Variants in TARS1 observed in about 807,000 individuals in gnomAD.
The protein encoded by TARS1 is threonyl-tRNA synthetase 1, also known as threonine--tRNA ligase 1, cytoplasmic.
Under a neutral mutation model 97.7 loss-of-function variants are expected in TARS1, and 57 were observed. The observed-to-expected ratio is 0.58, with a 90% CI of 0.47 to 0.73. The LOEUF (loss-of-function observed/expected upper bound fraction) is 0.73, where lower values mean the gene tolerates loss of function less well. Among genes scored for constraint, TARS1 ranks in the 30% least tolerant of loss-of-function variants. The pLI is 0.00. For missense variants in TARS1, 806 were observed against 888.3 expected (o/e 0.91, Z 1.18); for synonymous variants, 312 against 293.7 (o/e 1.06, Z -0.64).
In TARS1 at chr5:33,456,044, A is replaced by G; in HGVS notation, c.736A>G (p.Thr246Ala). 1.2e-6 allele frequency: 2 copies of G among 1,613,792 alleles called. No homozygotes were observed. Among genetic ancestry groups the G allele is most frequent in the Non-Finnish European group, 1.7e-6 (2 of 1,179,882 alleles). ...KCRILNEKVN[T>A]PTTTVYRCGP... ...CCGGATATTGAATGAAAAGGTGAAT[A>G]CTCCAACTACCACAGTCTATAGGTA... The change falls in exon 7 of 19, where the codon ACT (threonine) becomes GCT (alanine). Residue 246 changes from threonine to alanine, a missense_variant. Coordinates refer to ENST00000265112, the MANE Select transcript of TARS1 (RefSeq NM_152295.5).
intron 11 of TARS1, among the ~76,000 whole-genome samples, chr5:33,460,415 AC>A (rs1253113647): frequency 1.3e-5 from 2 of 152,172 alleles, no homozygotes; most frequent in African/African-American, 4.8e-5. Flanking sequence ...TTCTGTCAAA[AC>A]CTGCTAATGA....
chr5:33,465,020 C>G (rs1742466524), intron 17 of TARS1, among the ~76,000 whole-genome samples: 1 of 152,062 alleles, frequency 6.6e-6, no homozygotes, highest in Non-Finnish European at 1.5e-5. Context: ...GAGCCAAGAT[C>G]ATGCCACTGC....
chr5:33,442,636 T>A (rs922950109), intron 1 of TARS1, among the ~76,000 whole-genome samples: 1 of 152,060 alleles, frequency 6.6e-6, no homozygotes, highest in Non-Finnish European at 1.5e-5. Flanking sequence ...CCCGGGTTCA[T>A]GCCATTCTCC....
chr5:33,454,200 C>G (rs550399621), intron 4 of TARS1, among the ~76,000 whole-genome samples: 6 of 152,284 alleles, frequency 3.9e-5, no homozygotes, highest in Non-Finnish European at 8.8e-5. Flanking sequence ...TTTTAATTCT[C>G]CATGGCTGTG....
chr5:33,441,546 CG>C (rs1561064908), intron 1 of TARS1: 1 of 169,308 alleles, frequency 5.9e-6, no homozygotes, highest in Non-Finnish European at 1.3e-5. Flanking sequence ...TAAGATCCTG[CG>C]GGGGTAAAGA....
At chr5:33,456,652 G>C (rs544020118) in intron 8 of TARS1, among the ~76,000 whole-genome samples, 262 of 152,182 alleles carry the variant, frequency 1.7e-3, no homozygotes, top group Non-Finnish European at 2.7e-3. Context: ...GAATAATTGA[G>C]TCATTTCAAG....
At position 33,467,048 on chromosome 5, in the gene TARS1, A is replaced by T. The variant is rs569275188; in HGVS notation, c.2023+63A>T. 24 of 968,338 alleles carry T rather than the reference A, an allele frequency of 2.5e-5. 1 individual carries two copies. In the South Asian group the frequency reaches 4.6e-4, roughly 19 times the overall value. The allele number at this position is 968,338 out of a possible 1,614,324, so 60.0% of individuals were successfully genotyped here. A position where few individuals can be genotyped will look rare whatever the true frequency, so the allele number is the denominator to read the frequency against. The stretch of plus-strand genomic sequence containing the variant: ...CTCAGGAAAATCTACTGAAACCTTG[A>T]GACAGGTTTAAGTGAATTGTAATCA... On this transcript the variant is annotated intron_variant, in intron 18 of 18. Coordinates refer to ENST00000265112, the MANE Select transcript of TARS1 (RefSeq NM_152295.5).
chr5:33,459,951 A>G, intron 11 of TARS1, 90 bp downstream of exon 11: 1 of 1,425,090 alleles, frequency 7.0e-7, no homozygotes, highest in Non-Finnish European at 9.6e-7. Flanking sequence ...TTTTCATTAA[A>G]AACAAATTAT....
chr5:33,441,020 C>T lies in TARS1; in HGVS notation c.-67C>T, dbSNP rs1741058769. Reference sequence around the variant, plus strand: ...GTCCCGGGCGCTAGCCCACCTCCCACCCGCCTCTTGGCTCCTCTCCTCTAG... The same window carrying T: ...GTCCCGGGCGCTAGCCCACCTCCCATCCGCCTCTTGGCTCCTCTCCTCTAG... On this transcript the variant is annotated 5_prime_UTR_variant, in exon 1 of 19. Coordinates refer to ENST00000265112, the MANE Select transcript of TARS1 (RefSeq NM_152295.5). 13 of 1,606,502 alleles carry T rather than the reference C, an allele frequency of 8.1e-6. No homozygotes were observed. The highest frequency in any genetic ancestry group is 1.7e-4 in the Middle Eastern group (1 of 5,812).
At chr5:33,448,954 T>A (rs1333149575) in intron 3 of TARS1, among the ~76,000 whole-genome samples, 1 of 152,210 alleles carries the variant, frequency 6.6e-6, no homozygotes, top group African/African-American at 2.4e-5. Context: ...TGGTCTTATC[T>A]TTTGGGGCAT....
rs1187217006 is a variant in TARS1, at chr5:33,455,046, T to A, written c.555T>A (p.Tyr185Ter). The change falls in exon 5 of 19, where the codon TAT becomes TAA. Residue 185 changes from tyrosine to a stop codon, truncating the protein, a stop_gained. Transcript: ENST00000265112. LOFTEE classifies it high-confidence loss of function. ...CGCCAATAGAAAATGGATTCTATTA[T>A]GACATGTACCTCGAAGAAGGGTAAG... is the stretch of plus-strand genomic sequence containing the variant. ...YGPPIENGFY[Y>*]DMYLEEGGVS... 1.9e-6 allele frequency: 3 copies of A among 1,613,830 alleles called. No homozygotes were observed. The East Asian group carries it at 6.7e-5, about 36-fold the overall frequency.
In TARS1 at chr5:33,460,951, C is replaced by T; in HGVS notation, c.1300C>T (p.Leu434=). 6.2e-7 allele frequency: 1 copy of T among 1,614,152 alleles called. No individual in the cohort carries two copies. The highest frequency in any genetic ancestry group is 8.5e-7 in the Non-Finnish European group (1 of 1,180,032). The change falls in exon 12 of 19, where the codon CTA becomes TTA. Residue 434 remains leucine (L), a synonymous_variant. Coordinates refer to ENST00000265112, the MANE Select transcript of TARS1 (RefSeq NM_152295.5). ...PRSWRELPLR[L]ADFGVLHRNE... ...GTCCTGGCGAGAACTGCCTCTGCGG[C>T]TAGCTGATTTTGGGGTACTTCATAG...
At chr5:33,441,469 C>G (rs1413884293) in intron 1 of TARS1, 3 of 270,338 alleles carry the variant, frequency 1.1e-5, no homozygotes, top group Admixed American at 4.8e-5. Context: ...CTTGAGGCTT[C>G]CAAACTTGCG....
At chr5:33,467,240 G>T (rs899592964) in intron 18 of TARS1, among the ~76,000 whole-genome samples, 2 of 150,806 alleles carry the variant, frequency 1.3e-5, no homozygotes, top group Admixed American at 6.6e-5. Context: ...GAATGAAGAC[G>T]CATTGCTTTT....
At chr5:33,467,168 GTTT>G (rs35079782) in intron 18 of TARS1, among the ~76,000 whole-genome samples, 183 bp downstream of exon 18, 14,747 of 144,284 alleles carry the variant, frequency 0.1, 1,101 homozygotes, top group East Asian at 0.22. Context: ...TACATACTGG[GTTT>G]TTTTTTTTTT....
chr5:33,443,219 A>T (rs1323078393), intron 1 of TARS1, among the ~76,000 whole-genome samples: 2 of 152,052 alleles, frequency 1.3e-5, no homozygotes. Context: ...ACTTAATGAT[A>T]CAAATGGGCA....
At chr5:33,445,217 TA>T in intron 1 of TARS1, 106 bp from the exon 2 acceptor site, 1 of 837,622 alleles carries the variant, frequency 1.2e-6, no homozygotes, top group East Asian at 2.8e-5. Context: ...CCATTTTTTT[TA>T]AATTAAATAA....
rs371169686 is a variant in TARS1 at position 33,459,725 on chromosome 5, G to T, written c.1114G>T (p.Val372Leu). ...SEYRKRGFQE[V>L]VTPNIFNSRL... ...ATATAGGAAAAGAGGATTCCAGGAG[G>T]TAGTCACCCCAAACATCTTCAACAG... Residue 372 changes from valine (V) to leucine (L), a missense_variant, in exon 11 of 19, where the codon GTA (valine) becomes TTA (leucine). Transcript: ENST00000265112. 5.2e-5 allele frequency: 84 copies of T among 1,613,996 alleles called. No individual in the cohort carries two copies. The highest frequency in any genetic ancestry group is 6.8e-5 in the Non-Finnish European group (80 of 1,180,026).
intron 2 of TARS1, 52 bp downstream of exon 2, chr5:33,445,456 G>T: frequency 6.5e-7 from 1 of 1,534,208 alleles, no homozygotes; most frequent in South Asian, 1.1e-5. Context: ...GCAAATCGCA[G>T]GGAACTTTCT....
Sources: allele counts gnomAD v4.1 joint callset (sites outside exome capture counted in the v4.1 genomes callset), GRCh38; gene constraint gnomAD v4.1.1; transcripts MANE v1.5; gene names NCBI Gene and HGNC (gene_info 2026-07-23, HGNC 2026-07-21).